Variants in JAKMIP1 observed in about 807,000 individuals in gnomAD.
The protein encoded by JAKMIP1 is janus kinase and microtubule interacting protein 1, also known as janus kinase and microtubule-interacting protein 1.
JAKMIP1 carries 33 observed loss-of-function variants against 113.0 expected under a neutral mutation model. The observed-to-expected ratio is 0.29, with a 90% confidence interval of 0.22 to 0.39. The LOEUF (loss-of-function observed/expected upper bound fraction) is 0.39. JAKMIP1 is among the 10% of genes least tolerant of loss of function. The pLI, the probability that JAKMIP1 is intolerant of heterozygous loss-of-function variation, is 1.00. For synonymous variants in JAKMIP1, 480 were observed against 459.9 expected (o/e 1.04, Z -0.56); for missense variants, 813 against 1,080.5 (o/e 0.75, Z 3.47).
chr4:6,115,164 T>G (rs747175273), intron 1 of JAKMIP1, among the ~76,000 whole-genome samples: 1 of 152,140 alleles, frequency 6.6e-6, no homozygotes, highest in Non-Finnish European at 1.5e-5. Context: ...ATCCCAGCAC[T>G]TTGGGAGGCC....
intron 7 of JAKMIP1, among the ~76,000 whole-genome samples, chr4:6,079,233 T>C (rs1056013753): frequency 2.4e-4 from 37 of 152,208 alleles, no homozygotes; most frequent in Middle Eastern, 3.2e-3. Context: ...CTAAGCTGCA[T>C]TGAGTCTTTT....
chr4:6,109,868 A>C (rs1714630982), intron 2 of JAKMIP1, among the ~76,000 whole-genome samples: 1 of 152,214 alleles, frequency 6.6e-6, no homozygotes, highest in Non-Finnish European at 1.5e-5. Context: ...CAATAAGCAC[A>C]TTACTGAATT....
intron 1 of JAKMIP1, among the ~76,000 whole-genome samples, chr4:6,174,674 G>A (rs886205104): frequency 2.0e-5 from 3 of 152,088 alleles, no homozygotes; most frequent in African/African-American, 7.2e-5. Flanking sequence ...AAACCCCCCG[G>A]AGCAGCTAAA....
intron 1 of JAKMIP1, among the ~76,000 whole-genome samples, chr4:6,159,514 T>C (rs996970331): frequency 2.7e-4 from 5 of 18,346 alleles, no homozygotes; most frequent in African/African-American, 3.3e-4. Flanking sequence ...AGCATGCAAG[T>C]GGAAAAAAAA....
At chr4:6,058,532 G>A (rs1716798984) in intron 11 of JAKMIP1, among the ~76,000 whole-genome samples, 1 of 152,102 alleles carries the variant, frequency 6.6e-6, no homozygotes, top group African/African-American at 2.4e-5. Context: ...CTTTCCCTTT[G>A]TTCTCTATTA....
intron 1 of JAKMIP1, among the ~76,000 whole-genome samples, chr4:6,145,956 T>C (rs766950837): frequency 6.6e-6 from 1 of 152,120 alleles, no homozygotes; most frequent in Non-Finnish European, 1.5e-5. Context: ...CATTCTGAGG[T>C]ACTGAGGATG....
chr4:6,031,554 G>A lies in JAKMIP1; in HGVS notation c.2380-1773C>T, dbSNP rs1712663074. On this transcript the variant is annotated intron_variant, in intron 19 of 20. Coordinates refer to ENST00000409021, the MANE Select transcript of JAKMIP1 (RefSeq NM_001099433.2). The surrounding 1 kb of genome is among the most constrained non-coding windows in gnomAD (Gnocchi z 4.4). ...CAGGCAGAGGGAACGGCATGTGCAG[G>A]AGGCCAAGAGGCCTTTGGTGGGGGG... Among the ~76,000 whole-genome samples the A allele has an allele frequency of 6.6e-6, 1 of 152,198 alleles. No homozygotes were observed. Among genetic ancestry groups the A allele is most frequent in the South Asian group, 2.1e-4 (1 of 4,814 alleles).
chr4:6,100,108 T>C (rs1193866870), intron 3 of JAKMIP1, among the ~76,000 whole-genome samples: 3 of 152,224 alleles, frequency 2.0e-5, no homozygotes, highest in Admixed American at 6.5e-5. Flanking sequence ...GTTTTAAACA[T>C]TTTAGAGTTT....
chr4:6,120,827 A>G (rs780241553), intron 1 of JAKMIP1, among the ~76,000 whole-genome samples: 5 of 151,838 alleles, frequency 3.3e-5, no homozygotes, highest in Non-Finnish European at 7.4e-5. Context: ...CCGAGTCCCC[A>G]CTCCACAGAG....
chr4:6,036,145 A>G (rs1713402823), intron 18 of JAKMIP1, 38 bp from the exon 19 acceptor site: 1 of 1,468,172 alleles, frequency 6.8e-7, no homozygotes, highest in Admixed American at 2.0e-5. Flanking sequence ...GGAAGGTCAC[A>G]AGGAGGTGGA....
At chr4:6,161,105 C>T (rs1212291994) in intron 1 of JAKMIP1, among the ~76,000 whole-genome samples, 1 of 150,284 alleles carries the variant, frequency 6.7e-6, no homozygotes, top group African/African-American at 2.5e-5. Context: ...CACTCACCTC[C>T]TCTGATCTCC....
At position 6,197,179 on chromosome 4, in the gene JAKMIP1, G is replaced by C. The variant is rs767290172; in HGVS notation, c.-148+3074C>G. 7.2e-5 allele frequency among the ~76,000 whole-genome samples: 11 copies of C among 152,130 alleles called. No individual in the cohort carries two copies. Among genetic ancestry groups the C allele is most frequent in the Non-Finnish European group, 1.6e-4 (11 of 68,020 alleles). ...ATCCAGACAAAAGAAGTGAGTACAG[G>C]GGCTAAGCGACTTGCCCAACGTCAC... On this transcript the variant is annotated intron_variant, in intron 1 of 20. Transcript: ENST00000409021. The surrounding 1 kb of genome is among the most constrained non-coding windows in gnomAD (Gnocchi z 6.5).
chr4:6,159,884 TG>T (rs1020992908), intron 1 of JAKMIP1, among the ~76,000 whole-genome samples: 16 of 152,238 alleles, frequency 1.1e-4, no homozygotes, highest in African/African-American at 3.4e-4. Flanking sequence ...ATCCAAACCA[TG>T]GGGGCCTCAG....
chr4:6,112,660 G>C lies in JAKMIP1; in HGVS notation c.129+62C>G. 5 of 1,578,644 alleles carry C rather than the reference G, an allele frequency of 3.2e-6. No homozygotes were observed. The Admixed American group carries it at 8.5e-5, about 27-fold the overall frequency. On this transcript the variant is annotated intron_variant, in intron 2 of 20. Transcript: ENST00000409021. ...AGGCTCTTCACACACATGCCTCAGA[G>C]GCAACACTGCCCAAAGGGACATTTG...
intron 12 of JAKMIP1, chr4:6,054,941 G>A: frequency 2.3e-6 from 1 of 439,672 alleles, no homozygotes; most frequent in African/African-American, 2.0e-5. Context: ...AGGGTTTTCT[G>A]CGGCTCCCTG....
intron 8 of JAKMIP1, among the ~76,000 whole-genome samples, chr4:6,078,174 G>T (rs1275184589): frequency 6.6e-6 from 1 of 152,142 alleles, no homozygotes; most frequent in African/African-American, 2.4e-5. Flanking sequence ...ATTTAGCCGG[G>T]CGTGGTGGCA....
chr4:6,103,313 G>A (rs1404511019), intron 3 of JAKMIP1, among the ~76,000 whole-genome samples: 1 of 152,160 alleles, frequency 6.6e-6, no homozygotes, highest in Non-Finnish European at 1.5e-5. Context: ...ATTATATTCA[G>A]TGATTTTAGA....
rs766389469 is a variant in JAKMIP1 at position 6,197,039 on chromosome 4, C to T, written c.-148+3214G>A. 4.6e-5 allele frequency among the ~76,000 whole-genome samples: 7 copies of T among 152,176 alleles called. No individual in the cohort carries two copies. The highest frequency in any genetic ancestry group is 6.5e-5 in the Admixed American group (1 of 15,278). ...GTGTCCTGAGACTTGGCTCCCTCTG[C>T]GGTGTTCACGTAGACCTCACCCTGT... On this transcript the variant is annotated intron_variant, in intron 1 of 20. Coordinates refer to ENST00000409021, the MANE Select transcript of JAKMIP1 (RefSeq NM_001099433.2). The surrounding 1 kb of genome is among the most constrained non-coding windows in gnomAD (Gnocchi z 6.5).
chr4:6,046,852 G>A (rs903220667), intron 16 of JAKMIP1, among the ~76,000 whole-genome samples: 1 of 152,150 alleles, frequency 6.6e-6, no homozygotes, highest in African/African-American at 2.4e-5. Context: ...GCAGAGGGCT[G>A]CTATCACTGA....
Sources: gnomAD v4.1 joint callset for allele counts (sites outside exome capture counted in the v4.1 genomes callset) on GRCh38, gnomAD v4.1.1 for gene constraint, Gnocchi (gnomAD v3.1) non-coding constraint, MANE v1.5 for transcripts, NCBI Gene and HGNC (gene_info 2026-07-23, HGNC 2026-07-21) for gene names.